ZBTB25: variants seen among roughly 807,000 people sequenced by gnomAD.
The protein encoded by ZBTB25 is zinc finger and BTB domain containing 25.
A neutral mutation model predicts 34.2 loss-of-function variants in ZBTB25; 20 were observed. The observed-to-expected ratio is 0.58, with a 90% CI of 0.41 to 0.85. ZBTB25 has a LOEUF of 0.85. ZBTB25 is among the 40% of genes least tolerant of loss of function. ZBTB25 has a pLI of 0.00. For missense variants in ZBTB25, 437 were observed against 521.8 expected, an observed-to-expected ratio of 0.84 and a Z score of 1.58; for synonymous variants, 175 against 186.4, an observed-to-expected ratio of 0.94 and a Z score of 0.50.
At chr14:64,502,529 G>C in intron 1 of ZBTB25, 7 of 574,124 alleles carry the variant, frequency 1.2e-5, no homozygotes, top group Non-Finnish European at 1.5e-5. Context: ...GCTGGGGGGT[G>C]TAGGCTTTTA....
Position 64,478,972 on chromosome 14 carries a change from G to C in ZBTB25, c.*7951C>G, listed in dbSNP as rs924368567. 2 of 152,156 alleles carry C rather than the reference G, an allele frequency of 1.3e-5. No homozygotes were observed. The highest frequency in any genetic ancestry group is 2.4e-5 in the African/African-American group (1 of 41,436). The allele number at this position is 152,156 out of a possible 1,614,324, so 9.4% of individuals were successfully genotyped here. On this transcript the variant is annotated 3_prime_UTR_variant, in exon 3 of 3. Coordinates refer to ENST00000608382, the MANE Select transcript of ZBTB25 (RefSeq NM_006977.5). ...ATTTAGTTCAAACATTATATGAATA[G>C]ATTCAAAACTGTCTTGCTGATTAAT...
In ZBTB25 at chr14:64,479,624, A is replaced by T. The variant is rs1350571992; in HGVS notation, c.*7299T>A. The T allele has an allele frequency of 1.3e-5, 2 of 152,190 alleles. No homozygotes were observed. The highest frequency in any genetic ancestry group is 1.9e-4 in the East Asian group (1 of 5,204). The allele number at this position is 152,190 out of a possible 1,614,324, so 9.4% of individuals were successfully genotyped here. A position where few individuals can be genotyped will look rare whatever the true frequency, so the allele number is the denominator to read the frequency against. On this transcript the variant is annotated 3_prime_UTR_variant, in exon 3 of 3. Coordinates refer to ENST00000608382, the MANE Select transcript of ZBTB25 (RefSeq NM_006977.5). ...CATCAGTTGAAGGCCAGAATATAAT[A>T]AAAAAAGAGACTTTCTCTGGCCTGA...
chr14:64,472,510 T>C (rs939674049), intron 2 of ZBTB25: 1 of 166,928 alleles, frequency 6.0e-6, no homozygotes, highest in Non-Finnish European at 1.5e-5. Context: ...GTTTGATATA[T>C]ATTTTTGGTT....
intron 1 of ZBTB25, among the ~76,000 whole-genome samples, chr14:64,495,745 T>C (rs1215636067): frequency 6.6e-6 from 1 of 151,986 alleles, no homozygotes; most frequent in East Asian, 1.9e-4. Context: ...TCACCTGAGG[T>C]CGGGAGTTCG....
rs1013095730 is a variant in ZBTB25, at chr14:64,483,079, T to G, written c.*3844A>C. 2.0e-5 allele frequency: 3 copies of G among 152,218 alleles called. No homozygotes were observed. Among genetic ancestry groups the G allele is most frequent in the East Asian group, 1.9e-4 (1 of 5,204 alleles). 9.4% of individuals were successfully genotyped at this position (152,218 alleles called of 1,614,324 possible). On this transcript the variant is annotated 3_prime_UTR_variant, in exon 3 of 3. Transcript: ENST00000608382. ...TTCTCCAGAAAACAACTGCGTGAGA[T>G]TTCAAAAGAAGGAAAAATTTTAAGC...
intron 2 of ZBTB25, chr14:64,472,550 T>A (rs761848192): frequency 6.0e-6 from 1 of 166,956 alleles, no homozygotes. Flanking sequence ...TATGATAAGA[T>A]GTATATTTTA....
intron 1 of ZBTB25, among the ~76,000 whole-genome samples, 197 bp from the exon 2 acceptor site, chr14:64,490,737 A>G (rs1359574558): frequency 1.3e-5 from 2 of 152,194 alleles, no homozygotes; most frequent in African/African-American, 2.4e-5. Flanking sequence ...CCATTATGAC[A>G]ACTGATATAA....
At chr14:64,474,983 A>C (rs917980916), downstream of ZBTB25, among the ~76,000 whole-genome samples, 18 of 152,220 alleles carry the variant, frequency 1.2e-4, no homozygotes, top group African/African-American at 4.3e-4. Context: ...CGATGATAAC[A>C]ATCAGGCTCT....
At chr14:64,464,168 A>T (rs2078586276) in intron 2 of ZBTB25, among the ~76,000 whole-genome samples, 1 of 151,160 alleles carries the variant, frequency 6.6e-6, no homozygotes, top group Non-Finnish European at 1.5e-5. Flanking sequence ...TGAGCTCCTG[A>T]GTAACTGGGA....
At chr14:64,469,893 T>G in intron 2 of ZBTB25, 1 of 441,254 alleles carries the variant, frequency 2.3e-6, no homozygotes, top group South Asian at 4.9e-5. Flanking sequence ...TCAGCACAGA[T>G]TGCAGTGTAA....
At chr14:64,463,593 C>G (rs145936173) in intron 2 of ZBTB25, 40 of 151,004 alleles carry the variant, frequency 2.6e-4, no homozygotes, top group African/African-American at 9.3e-4. Flanking sequence ...GAGTTCAAGA[C>G]CAGCCTGGGC....
chr14:64,466,649 C>T (rs1273764516), intron 2 of ZBTB25, among the ~76,000 whole-genome samples: 2 of 152,170 alleles, frequency 1.3e-5, no homozygotes, highest in African/African-American at 2.4e-5. Flanking sequence ...CAGTATGAAA[C>T]ACCCAACCTA....
chr14:64,487,934 A>G lies in ZBTB25; in HGVS notation c.297T>C (p.Ile99=). 1 of 1,614,136 alleles carries G rather than the reference A, an allele frequency of 6.2e-7. No homozygotes were observed. The highest frequency in any genetic ancestry group is 1.1e-5 in the South Asian group (1 of 91,080). The change falls in exon 3 of 3, where the codon ATT becomes ATC. Residue 99 remains isoleucine, a synonymous_variant. Transcript: ENST00000608382. The stretch of plus-strand genomic sequence containing the variant: ...AAAGGTAGTCGGCGTGAAGAAATCG[A>G]ATCCCTTCCTCCAAACGACTATGAT... ...IVDHSRLEEG[I]RFLHADYLSH... is the part of the protein sequence containing the mutation.
intron 2 of ZBTB25, among the ~76,000 whole-genome samples, chr14:64,465,895 AT>A (rs1432076164): frequency 2.6e-5 from 4 of 151,954 alleles, no homozygotes; most frequent in Non-Finnish European, 4.4e-5. Context: ...GAGAAATGTG[AT>A]TTTGGGTTTC....
intron 2 of ZBTB25, among the ~76,000 whole-genome samples, chr14:64,488,385 C>T (rs370025617): frequency 2.0e-5 from 3 of 151,782 alleles, no homozygotes; most frequent in East Asian, 1.9e-4. Flanking sequence ...AAAATAGGTA[C>T]CTGCTCTTAA....
At chr14:64,452,435 G>C (rs1385120736) in intron 2 of ZBTB25, among the ~76,000 whole-genome samples, 1 of 152,110 alleles carries the variant, frequency 6.6e-6, no homozygotes, top group Non-Finnish European at 1.5e-5. Flanking sequence ...CAACCTCTCC[G>C]TATGCTGTTC....
At chr14:64,469,921 G>T in intron 2 of ZBTB25, 1 of 363,850 alleles carries the variant, frequency 2.7e-6, no homozygotes. Flanking sequence ...TAACATACAG[G>T]GAGTTGCTAA....
intron 1 of ZBTB25, among the ~76,000 whole-genome samples, chr14:64,499,192 T>A (rs1418043529): frequency 6.6e-6 from 1 of 152,232 alleles, no homozygotes; most frequent in Admixed American, 6.5e-5. Flanking sequence ...GTTCAAAGTA[T>A]GGAAATTATG....
At chr14:64,492,620 C>A (rs949697474) in intron 1 of ZBTB25, among the ~76,000 whole-genome samples, 5 of 151,028 alleles carry the variant, frequency 3.3e-5, no homozygotes, top group Non-Finnish European at 4.4e-5. Flanking sequence ...AAAACAAAAC[C>A]AAACCCTCGG....
Sources: allele counts gnomAD v4.1 joint callset (sites outside exome capture counted in the v4.1 genomes callset), GRCh38; gene constraint gnomAD v4.1.1; transcripts MANE v1.5; gene names NCBI Gene and HGNC (gene_info 2026-07-23, HGNC 2026-07-21).